Variants in SGCZ observed in about 807,000 individuals in gnomAD.
SGCZ encodes sarcoglycan zeta, also known as zeta-sarcoglycan.
Under a neutral mutation model 41.3 loss-of-function variants are expected in SGCZ, and 40 were observed. The ratio of observed to expected loss-of-function variants is 0.97; its 90% CI spans 0.75 to 1.26. The LOEUF (loss-of-function observed/expected upper bound fraction) is 1.26. Ranked by LOEUF, SGCZ falls within the 50% of genes most tolerant of loss-of-function variation. The pLI, the probability that SGCZ is intolerant of heterozygous loss-of-function variation, is 0.00. For missense variants in SGCZ, 552 were observed against 369.8 expected (o/e 1.49, Z -4.04); for synonymous variants, 206 against 137.5 (o/e 1.50, Z -3.49).
At chr8:14,662,696 T>C (rs1554475525) in intron 1 of SGCZ, among the ~76,000 whole-genome samples, 2 of 152,176 alleles carry the variant, frequency 1.3e-5, no homozygotes. Flanking sequence ...TTAAGGTTGA[T>C]AATGAAATCA....
intron 1 of SGCZ, among the ~76,000 whole-genome samples, chr8:15,235,818 A>C (rs554697068): frequency 6.6e-6 from 1 of 152,268 alleles, no homozygotes; most frequent in South Asian, 2.1e-4. Flanking sequence ...GTTAACCAAA[A>C]AATAATCTGG....
At chr8:15,123,591 CAAG>C (rs1807566286) in intron 1 of SGCZ, among the ~76,000 whole-genome samples, 1 of 152,140 alleles carries the variant, frequency 6.6e-6, no homozygotes, top group Admixed American at 6.5e-5. Flanking sequence ...TAGTTGATAG[CAAG>C]AACCTGGGTG....
intron 5 of SGCZ, among the ~76,000 whole-genome samples, chr8:14,130,815 C>T (rs773199205): frequency 6.6e-6 from 1 of 152,160 alleles, no homozygotes; most frequent in Non-Finnish European, 1.5e-5. Flanking sequence ...TTCATAGAGG[C>T]TCTAGCTTCC....
chr8:14,932,388 C>T (rs1210832010), intron 1 of SGCZ, among the ~76,000 whole-genome samples: 1 of 151,922 alleles, frequency 6.6e-6, no homozygotes, highest in Non-Finnish European at 1.5e-5. Flanking sequence ...TGGATAAATG[C>T]AAAATGTCTC....
At chr8:14,376,618 T>A (rs1038579399) in intron 2 of SGCZ, among the ~76,000 whole-genome samples, 3 of 152,096 alleles carry the variant, frequency 2.0e-5, no homozygotes, top group African/African-American at 7.2e-5. Flanking sequence ...AAATGCTACA[T>A]AAGTTGTTCC....
chr8:14,863,409 C>T (rs968970093), intron 1 of SGCZ, among the ~76,000 whole-genome samples: 13 of 152,072 alleles, frequency 8.5e-5, no homozygotes, highest in African/African-American at 1.9e-4. Context: ...ACTGCAGCCT[C>T]GAACACCCAG....
At chr8:14,447,896 C>A (rs1024031597) in intron 2 of SGCZ, among the ~76,000 whole-genome samples, 1 of 152,112 alleles carries the variant, frequency 6.6e-6, no homozygotes, top group African/African-American at 2.4e-5. Context: ...TTATGAAATG[C>A]AAATCACCTC....
At chr8:14,700,411 A>G (rs1809098716) in intron 1 of SGCZ, among the ~76,000 whole-genome samples, 1 of 151,984 alleles carries the variant, frequency 6.6e-6, no homozygotes, top group Admixed American at 6.6e-5. Flanking sequence ...CTAAACATTG[A>G]GTACACATGC....
At chr8:14,158,702 T>C (rs1464943972) in intron 5 of SGCZ, among the ~76,000 whole-genome samples, 2 of 152,198 alleles carry the variant, frequency 1.3e-5, no homozygotes, top group African/African-American at 2.4e-5. Context: ...CCCTGAATGA[T>C]GGCCAGCAAG....
At chr8:14,353,500 A>G (rs1036430269) in intron 2 of SGCZ, among the ~76,000 whole-genome samples, 7 of 152,168 alleles carry the variant, frequency 4.6e-5, no homozygotes, top group South Asian at 2.1e-4. Context: ...GATATTTCCA[A>G]TTTAAGGTGT....
At chr8:14,416,105 T>A (rs1799486274) in intron 2 of SGCZ, among the ~76,000 whole-genome samples, 1 of 151,908 alleles carries the variant, frequency 6.6e-6, no homozygotes, top group South Asian at 2.1e-4. Flanking sequence ...AGAGTAAAAA[T>A]AAGCAGAGGT....
chr8:14,464,258 G>C (rs557368444), intron 2 of SGCZ, among the ~76,000 whole-genome samples: 46 of 150,526 alleles, frequency 3.1e-4, no homozygotes, highest in African/African-American at 1.1e-3. Flanking sequence ...GCTTTTCTTT[G>C]TCAGGAGATT....
At chr8:14,277,971 T>C (rs1800294551) in intron 3 of SGCZ, among the ~76,000 whole-genome samples, 1 of 152,048 alleles carries the variant, frequency 6.6e-6, no homozygotes, top group Non-Finnish European at 1.5e-5. Context: ...CCAGACAGAA[T>C]TTTTATCTAC....
intron 1 of SGCZ, among the ~76,000 whole-genome samples, chr8:14,759,703 T>A (rs1799800426): frequency 6.6e-6 from 1 of 152,186 alleles, no homozygotes; most frequent in Non-Finnish European, 1.5e-5. Flanking sequence ...TAGTCCCTTA[T>A]GAATTGGACC....
At chr8:14,592,677 C>T (rs1010864186) in intron 1 of SGCZ, among the ~76,000 whole-genome samples, 1 of 151,988 alleles carries the variant, frequency 6.6e-6, no homozygotes, top group African/African-American at 2.4e-5. Context: ...ATTTCTTTTA[C>T]CAATATTCCA....
At chr8:14,832,873 T>C (rs1802579412) in intron 1 of SGCZ, among the ~76,000 whole-genome samples, 2 of 152,174 alleles carry the variant, frequency 1.3e-5, no homozygotes, top group Admixed American at 6.6e-5. Flanking sequence ...GTAGGATGTT[T>C]TAATAGGTAG....
chr8:14,836,613 C>A (rs936456572), intron 1 of SGCZ, among the ~76,000 whole-genome samples: 1 of 152,178 alleles, frequency 6.6e-6, no homozygotes, highest in African/African-American at 2.4e-5. Flanking sequence ...CTTCTCGTGC[C>A]TCAGCCACCC....
chr8:15,145,608 A>G (rs1007999294), intron 1 of SGCZ, among the ~76,000 whole-genome samples: 1 of 152,148 alleles, frequency 6.6e-6, no homozygotes, highest in African/African-American at 2.4e-5. Context: ...CTTGGACTAC[A>G]GGTACACACC....
At chr8:14,138,035 TAAAGA>T (rs1272043796) in intron 5 of SGCZ, among the ~76,000 whole-genome samples, 2 of 152,146 alleles carry the variant, frequency 1.3e-5, no homozygotes, top group Non-Finnish European at 2.9e-5. Context: ...GCAACATTCT[TAAAGA>T]AAAGAATTTT....
Sources: gnomAD v4.1 joint callset for allele counts (sites outside exome capture counted in the v4.1 genomes callset) on GRCh38, gnomAD v4.1.1 for gene constraint, MANE v1.5 for transcripts, NCBI Gene and HGNC (gene_info 2026-07-23, HGNC 2026-07-21) for gene names.